Variants in SMYD3 observed in about 807,000 individuals in gnomAD.
SMYD3 encodes SET and MYND domain containing 3, also known as histone-lysine N-methyltransferase SMYD3.
Under a neutral mutation model 57.7 loss-of-function variants are expected in SMYD3, and 36 were observed. That is an observed-to-expected ratio of 0.62 (90% CI 0.48 to 0.82). SMYD3 has a LOEUF of 0.82. Ranked by LOEUF, SMYD3 falls within the 40% of genes least tolerant of loss-of-function variation. SMYD3 has a pLI of 0.00. For missense variants in SMYD3, 515 were observed against 538.8 expected (o/e 0.96, Z 0.44); for synonymous variants, 211 against 195.0 (o/e 1.08, Z -0.68).
intron 10 of SMYD3, among the ~76,000 whole-genome samples, chr1:245,773,773 A>G (rs149027767): frequency 1.2e-4 from 19 of 152,368 alleles, no homozygotes; most frequent in African/African-American, 4.6e-4. Context: ...TCCTTGAGAA[A>G]AAATGGTAAT....
At chr1:246,363,250 T>TGG (rs555974136) in intron 1 of SMYD3, among the ~76,000 whole-genome samples, 9 of 140,952 alleles carry the variant, frequency 6.4e-5, no homozygotes, top group Non-Finnish European at 9.1e-5. Flanking sequence ...GGGAGGGAGG[T>TGG]GGGGGTTAGC....
chr1:246,137,695 T>C (rs1435760460), intron 5 of SMYD3, among the ~76,000 whole-genome samples: 1 of 152,226 alleles, frequency 6.6e-6, no homozygotes, highest in Admixed American at 6.5e-5. Flanking sequence ...ATGATCGATT[T>C]TTCCCTCCAC....
intron 5 of SMYD3, among the ~76,000 whole-genome samples, chr1:246,123,741 G>A (rs1041730875): frequency 6.6e-6 from 1 of 152,020 alleles, no homozygotes; most frequent in African/African-American, 2.4e-5. Flanking sequence ...TTTACATAAG[G>A]CAGTATGCTA....
intron 5 of SMYD3, among the ~76,000 whole-genome samples, chr1:246,032,981 C>T (rs769690603): frequency 3.3e-5 from 5 of 152,116 alleles, no homozygotes; most frequent in Non-Finnish European, 7.4e-5. Flanking sequence ...CTTTAGGGAT[C>T]GCTGCAAGTT....
At chr1:245,958,365 C>G (rs1265248068) in intron 5 of SMYD3, among the ~76,000 whole-genome samples, 2 of 152,200 alleles carry the variant, frequency 1.3e-5, no homozygotes, top group Admixed American at 1.3e-4. Context: ...TTTCCTCACC[C>G]TTCCTCTCAT....
chr1:245,820,202 C>A lies in SMYD3; in HGVS notation c.1076+38294G>T, dbSNP rs1304048129. Among the ~76,000 whole-genome samples the A allele has an allele frequency of 4.0e-5, 6 of 150,860 alleles. No individual in the cohort carries two copies. In the South Asian group the frequency reaches 1.3e-3, roughly 32 times the overall value. On this transcript the variant is annotated intron_variant, in intron 10 of 11. Coordinates refer to ENST00000490107, the MANE Select transcript of SMYD3 (RefSeq NM_001167740.2). Reference sequence around the variant, plus strand: ...CATCAAAAAGCTTATCCACCATGATCAAGTGGGTTTCATCCCTGGGATGCA... The same window carrying A: ...CATCAAAAAGCTTATCCACCATGATAAAGTGGGTTTCATCCCTGGGATGCA...
At chr1:246,443,767 A>G (rs572663376) in intron 1 of SMYD3, among the ~76,000 whole-genome samples, 1 of 152,310 alleles carries the variant, frequency 6.6e-6, no homozygotes, top group African/African-American at 2.4e-5. Context: ...GTATATACGT[A>G]TCTTAAATAT....
intron 5 of SMYD3, among the ~76,000 whole-genome samples, chr1:245,972,001 A>C (rs2058315045): frequency 6.6e-6 from 1 of 152,122 alleles, no homozygotes; most frequent in Non-Finnish European, 1.5e-5. Context: ...ACCTATAGTC[A>C]CTGCTGATCT....
In SMYD3 at chr1:246,196,982, G is replaced by A. The variant is rs1364512823; in HGVS notation, c.531+130219C>T. Among the ~76,000 whole-genome samples the A allele has an allele frequency of 2.0e-5, 3 of 151,864 alleles. No homozygotes were observed. The East Asian group carries it at 5.8e-4, about 29-fold the overall frequency. ...AGCATCTTGTAGTGCCAGAAAGTGA[G>A]GAGGTGCTAAAGAAAAAAAAAAACA... is the stretch of plus-strand genomic sequence containing the variant. On this transcript the variant is annotated intron_variant, in intron 5 of 11. Coordinates refer to ENST00000490107, the MANE Select transcript of SMYD3 (RefSeq NM_001167740.2).
At chr1:245,849,533 C>T (rs2050845961) in intron 10 of SMYD3, among the ~76,000 whole-genome samples, 1 of 152,174 alleles carries the variant, frequency 6.6e-6, no homozygotes, top group Admixed American at 6.5e-5. Flanking sequence ...CAGTGTTGAT[C>T]AGTGTACTTC....
At chr1:246,298,578 A>G (rs2148608925) in intron 5 of SMYD3, among the ~76,000 whole-genome samples, 1 of 152,264 alleles carries the variant, frequency 6.6e-6, no homozygotes, top group South Asian at 2.1e-4. Context: ...ATAAAGTAAA[A>G]GGTATACTTC....
At chr1:246,129,261 A>G (rs2061553210) in intron 5 of SMYD3, among the ~76,000 whole-genome samples, 1 of 152,186 alleles carries the variant, frequency 6.6e-6, no homozygotes, top group South Asian at 2.1e-4. Context: ...ATAATGTCTT[A>G]ATGCACTTGT....
At chr1:246,286,030 C>T (rs2064555394) in intron 5 of SMYD3, among the ~76,000 whole-genome samples, 1 of 152,138 alleles carries the variant, frequency 6.6e-6, no homozygotes, top group African/African-American at 2.4e-5. Flanking sequence ...AACACTTCTA[C>T]ACTGCTGGTG....
At chr1:246,090,559 C>G (rs989295906) in intron 5 of SMYD3, among the ~76,000 whole-genome samples, 1 of 150,674 alleles carries the variant, frequency 6.6e-6, no homozygotes, top group Non-Finnish European at 1.5e-5. Context: ...GCTCTATCAC[C>G]CAGGATGGAA....
At chr1:246,232,222 A>G (rs1412582829) in intron 5 of SMYD3, among the ~76,000 whole-genome samples, 1 of 152,204 alleles carries the variant, frequency 6.6e-6, no homozygotes, top group East Asian at 1.9e-4. Context: ...CTGGACTGAA[A>G]ATAAAAATCA....
At chr1:245,756,949 A>G (rs184657722) in intron 11 of SMYD3, among the ~76,000 whole-genome samples, 56 of 152,118 alleles carry the variant, frequency 3.7e-4, no homozygotes, top group African/African-American at 1.3e-3. Flanking sequence ...GTTTTCCACT[A>G]TTAATTCTTT....
intron 5 of SMYD3, among the ~76,000 whole-genome samples, chr1:246,076,371 A>G (rs2060547316): frequency 6.6e-6 from 1 of 152,202 alleles, no homozygotes; most frequent in Admixed American, 6.5e-5. Flanking sequence ...ATTCACCCAC[A>G]TCCAAATGTA....
At position 245,919,860 on chromosome 1, in the gene SMYD3, C is replaced by G. The variant is rs540081281; in HGVS notation, c.703-4220G>C. Among the ~76,000 whole-genome samples the G allele has an allele frequency of 1.9e-3, 289 of 152,252 alleles. 2 individuals carry two copies. Among genetic ancestry groups the G allele is most frequent in the Middle Eastern group, 0.017 (5 of 294 alleles). ...CCACTGCTCTGCCATTTTAGTGCAG[C>G]TCTTATAGAAAATGCAGTAAATCAT... On this transcript the variant is annotated intron_variant, in intron 7 of 11. Coordinates refer to ENST00000490107, the MANE Select transcript of SMYD3 (RefSeq NM_001167740.2).
intron 5 of SMYD3, among the ~76,000 whole-genome samples, chr1:246,207,365 T>C (rs978628659): frequency 2.6e-5 from 4 of 152,170 alleles, no homozygotes; most frequent in African/African-American, 4.8e-5. Context: ...TTCATCGTTA[T>C]CAGTGGCCCA....
Sources: gnomAD v4.1 joint callset for allele counts (sites outside exome capture counted in the v4.1 genomes callset) on GRCh38, gnomAD v4.1.1 for gene constraint, MANE v1.5 for transcripts, NCBI Gene and HGNC (gene_info 2026-07-23, HGNC 2026-07-21) for gene names.